Variants in PLCB4 observed in about 807,000 individuals in gnomAD.
PLCB4 encodes the protein phospholipase C beta 4.
A neutral mutation model predicts 178.8 loss-of-function variants in PLCB4; 77 were observed. The ratio of observed to expected loss-of-function variants is 0.43; its 90% CI spans 0.36 to 0.52. PLCB4 has a LOEUF of 0.52. Ranked by LOEUF, PLCB4 falls within the 20% of genes least tolerant of loss-of-function variation. PLCB4 has a pLI of 0.00. For missense variants in PLCB4, 1,024 were observed against 1,453.4 expected (o/e 0.70, Z 4.80); for synonymous variants, 496 against 490.8 (o/e 1.01, Z -0.14).
At chr20:9,179,102 C>T (rs2093203063) in intron 2 of PLCB4, among the ~76,000 whole-genome samples, 1 of 152,092 alleles carries the variant, frequency 6.6e-6, no homozygotes, top group African/African-American at 2.4e-5. Context: ...GGTATAGGCA[C>T]AGATTTTTTG....
At chr20:9,443,917 T>C in intron 30 of PLCB4, 64 bp from the exon 31 acceptor site, 1 of 899,438 alleles carries the variant, frequency 1.1e-6, no homozygotes, top group Non-Finnish European at 1.8e-6. Context: ...GTCAGTTCTA[T>C]ATTACCAGTT....
chr20:9,458,766 C>A (rs2043211442), intron 34 of PLCB4, among the ~76,000 whole-genome samples: 1 of 152,062 alleles, frequency 6.6e-6, no homozygotes, highest in Non-Finnish European at 1.5e-5. Context: ...ATCTCATTGG[C>A]TAAAGCAAGT....
intron 13 of PLCB4, among the ~76,000 whole-genome samples, chr20:9,383,708 C>T (rs1449443066): frequency 1.3e-5 from 2 of 152,200 alleles, no homozygotes; most frequent in East Asian, 1.9e-4. Flanking sequence ...ATCCCTTTTC[C>T]AATTCAGTGA....
At chr20:9,380,515 T>G (rs1293286507) in intron 13 of PLCB4, among the ~76,000 whole-genome samples, 2 of 152,218 alleles carry the variant, frequency 1.3e-5, no homozygotes, top group Non-Finnish European at 1.5e-5. Flanking sequence ...ATATAAAAAC[T>G]TATACCTTTT....
chr20:9,159,636 GC>G (rs1324860957), intron 2 of PLCB4, among the ~76,000 whole-genome samples: 1 of 152,020 alleles, frequency 6.6e-6, no homozygotes, highest in Non-Finnish European at 1.5e-5. Flanking sequence ...TTTTTCTGAT[GC>G]CTTTTACAGT....
At chr20:9,284,338 G>A (rs901481914) in intron 3 of PLCB4, among the ~76,000 whole-genome samples, 5 of 151,962 alleles carry the variant, frequency 3.3e-5, no homozygotes, top group African/African-American at 1.2e-4. Context: ...AGAATTGCAA[G>A]TGGCCTCTAT....
chr20:9,452,394 A>C (rs1347882668), intron 32 of PLCB4, among the ~76,000 whole-genome samples: 1 of 152,218 alleles, frequency 6.6e-6, no homozygotes, highest in Non-Finnish European at 1.5e-5. Flanking sequence ...GAGAGGGGTT[A>C]TATAACCTGA....
chr20:9,459,757 A>G lies in PLCB4; in HGVS notation c.3195A>G (p.Leu1065=), dbSNP rs1473122055. ...LSQQCELLKK[L]LINAHEQQTQ... ...AGCAGTGTGAGCTGCTGAAAAAGCT[A>G]CTCATCAATGCCCACGAGCAGCAAA... The change falls in exon 35 of 40, where the codon CTA becomes CTG. Residue 1065 remains leucine, a synonymous_variant. Transcript: ENST00000378473. The G allele has an allele frequency of 6.2e-7, 1 of 1,613,200 alleles. No homozygotes were observed. The highest frequency in any genetic ancestry group is 8.5e-7 in the Non-Finnish European group (1 of 1,179,400).
At chr20:9,407,802 C>G (rs1602449811) in intron 21 of PLCB4, 115 bp from the exon 22 acceptor site, 11 of 827,974 alleles carry the variant, frequency 1.3e-5, no homozygotes, top group East Asian at 1.1e-4. Flanking sequence ...GAAGAAAAAG[C>G]CTTTACCTTT....
At chr20:9,196,446 C>T (rs955013612) in intron 2 of PLCB4, among the ~76,000 whole-genome samples, 1 of 152,096 alleles carries the variant, frequency 6.6e-6, no homozygotes, top group Non-Finnish European at 1.5e-5. Flanking sequence ...AAGTTATTCC[C>T]CTGCTCCTTG....
At chr20:9,344,002 T>G (rs1030711558) in intron 7 of PLCB4, among the ~76,000 whole-genome samples, 3 of 152,234 alleles carry the variant, frequency 2.0e-5, no homozygotes, top group Non-Finnish European at 2.9e-5. Context: ...CTAACTGGTC[T>G]CTTTTCCTTA....
intron 2 of PLCB4, among the ~76,000 whole-genome samples, chr20:9,177,559 AC>A (rs2093175760): frequency 6.6e-6 from 1 of 152,132 alleles, no homozygotes; most frequent in Non-Finnish European, 1.5e-5. Flanking sequence ...GCAACTTAGA[AC>A]CAATGTAAGT....
rs564120032 is a variant in PLCB4, at chr20:9,167,039, C to G, written c.-78-50351C>G. On this transcript the variant is annotated intron_variant, in intron 2 of 39. Coordinates refer to ENST00000378473, the MANE Select transcript of PLCB4 (RefSeq NM_001377142.1). Reference sequence around the variant, plus strand: ...CAATTAGATATTTATTTTAATATCTCTTTTTATAAAATTTTCCTAAACCTA... The same window carrying G: ...CAATTAGATATTTATTTTAATATCTGTTTTTATAAAATTTTCCTAAACCTA... Among the ~76,000 whole-genome samples, 3 of 152,046 alleles carry G rather than the reference C, an allele frequency of 2.0e-5. No individual in the cohort carries two copies. The East Asian group carries it at 5.8e-4, about 29-fold the overall frequency.
intron 3 of PLCB4, among the ~76,000 whole-genome samples, chr20:9,301,204 A>G (rs575557134): frequency 2.0e-5 from 3 of 151,904 alleles, no homozygotes; most frequent in Admixed American, 1.3e-4. Flanking sequence ...CTCATCTGCT[A>G]AGTCCCTTTT....
intron 2 of PLCB4, among the ~76,000 whole-genome samples, chr20:9,109,876 C>T (rs968964994): frequency 1.3e-5 from 2 of 152,064 alleles, no homozygotes; most frequent in Non-Finnish European, 2.9e-5. Flanking sequence ...TTTGTGTTGT[C>T]CCTAAGTAGC....
intron 19 of PLCB4, among the ~76,000 whole-genome samples, chr20:9,398,689 G>GTATTATTATTAT (rs11469240): frequency 6.1e-4 from 92 of 150,296 alleles, no homozygotes; most frequent in African/African-American, 2.2e-3. Flanking sequence ...GATGAAATGG[G>GTATTATTATTAT]TATTATTATT....
intron 2 of PLCB4, among the ~76,000 whole-genome samples, chr20:9,101,036 T>G (rs909851611): frequency 2.6e-5 from 4 of 152,144 alleles, no homozygotes; most frequent in African/African-American, 7.2e-5. Context: ...TCATGATAAT[T>G]GGTCAGAGGC....
At chr20:9,292,246 A>G (rs2094586278) in intron 3 of PLCB4, among the ~76,000 whole-genome samples, 1 of 152,214 alleles carries the variant, frequency 6.6e-6, no homozygotes, top group South Asian at 2.1e-4. Flanking sequence ...TAGTCCAATA[A>G]TAAGGCAAAA....
chr20:9,451,725 T>C (rs770455817), intron 32 of PLCB4, among the ~76,000 whole-genome samples: 4 of 152,218 alleles, frequency 2.6e-5, no homozygotes, highest in Non-Finnish European at 5.9e-5. Context: ...ATAGTATAGA[T>C]AGGTTTGTAT....
Sources: allele counts gnomAD v4.1 joint callset (sites outside exome capture counted in the v4.1 genomes callset), GRCh38; gene constraint gnomAD v4.1.1; transcripts MANE v1.5; gene names NCBI Gene and HGNC (gene_info 2026-07-23, HGNC 2026-07-21).